PTPRS: variants seen among roughly 807,000 people sequenced by gnomAD.
PTPRS encodes the protein protein tyrosine phosphatase receptor type S, also known as receptor-type tyrosine-protein phosphatase S.
Under a neutral mutation model 215.3 loss-of-function variants are expected in PTPRS, and 63 were observed. The observed-to-expected ratio is 0.29, with a 90% confidence interval of 0.24 to 0.36. The LOEUF (loss-of-function observed/expected upper bound fraction) is 0.36. Ranked by LOEUF, PTPRS falls within the 10% of genes least tolerant of loss-of-function variation. The pLI is 1.00. For missense variants in PTPRS, 2,258 were observed against 2,825.8 expected (o/e 0.80, Z 4.56); for synonymous variants, 1,404 against 1,191.4 (o/e 1.18, Z -3.68).
At chr19:5,235,715 G>A (rs1386434434) in intron 13 of PTPRS, among the ~76,000 whole-genome samples, 1 of 152,170 alleles carries the variant, frequency 6.6e-6, no homozygotes, top group South Asian at 2.1e-4. Flanking sequence ...TAGGTGCCCA[G>A]CACTGTGCCA....
intron 9 of PTPRS, among the ~76,000 whole-genome samples, chr19:5,247,129 G>C (rs1273946282): frequency 4.6e-5 from 7 of 151,822 alleles, no homozygotes; most frequent in Admixed American, 1.3e-4. Flanking sequence ...AATTCTAGCA[G>C]ATGTGATCCA....
At chr19:5,239,851 TAAACAGACAG>T (rs1408687230) in intron 12 of PTPRS, among the ~76,000 whole-genome samples, 4 of 148,574 alleles carry the variant, frequency 2.7e-5, no homozygotes, top group African/African-American at 1.0e-4. Context: ...GACAGAGACA[TAAACAGACAG>T]AAACAGACCC....
chr19:5,333,503 T>TCA (rs35443727), intron 1 of PTPRS, among the ~76,000 whole-genome samples: 56,724 of 147,580 alleles, frequency 0.38, 11,537 homozygotes, highest in African/African-American at 0.51. Flanking sequence ...GTGAGTCCTG[T>TCA]CACACACACA....
At chr19:5,261,089 G>T (rs1474924453) in intron 6 of PTPRS, among the ~76,000 whole-genome samples, 1 of 152,136 alleles carries the variant, frequency 6.6e-6, no homozygotes, top group African/African-American at 2.4e-5. Context: ...TGGAGGGATG[G>T]AGTCTAGAAG....
intron 1 of PTPRS, among the ~76,000 whole-genome samples, chr19:5,296,877 C>T (rs2049151764): frequency 1.3e-5 from 2 of 152,102 alleles, no homozygotes; most frequent in South Asian, 2.1e-4. Context: ...TGCTCAGCTG[C>T]TGTGGGGAGG....
chr19:5,218,585 G>T, intron 24 of PTPRS, 53 bp from the exon 25 acceptor site: 1 of 1,572,256 alleles, frequency 6.4e-7, no homozygotes, highest in Non-Finnish European at 8.8e-7. Context: ...ATGTTCATGT[G>T]TGAACACAAT....
intron 26 of PTPRS, among the ~76,000 whole-genome samples, chr19:5,216,160 C>A (rs979622974): frequency 6.6e-6 from 1 of 152,130 alleles, no homozygotes; most frequent in Non-Finnish European, 1.5e-5. Flanking sequence ...GGGTCCCCAT[C>A]TGTCCCTGCG....
intron 1 of PTPRS, among the ~76,000 whole-genome samples, chr19:5,320,045 C>G (rs2049983182): frequency 6.6e-6 from 1 of 152,200 alleles, no homozygotes; most frequent in African/African-American, 2.4e-5. Context: ...AGAAATCCCC[C>G]CAGATGATGG....
Position 5,216,891 on chromosome 19 carries a change from G to A in PTPRS, c.4049-124C>T, listed in dbSNP as rs1312479675. 2.0e-5 allele frequency: 13 copies of A among 654,230 alleles called. No individual in the cohort carries two copies. In the South Asian group the frequency reaches 2.3e-4, roughly 12 times the overall value. The allele number at this position is 654,230 out of a possible 1,614,324, so 40.5% of individuals were successfully genotyped here. On this transcript the variant is annotated intron_variant, in intron 25 of 37. Coordinates refer to ENST00000262963, the MANE Select transcript of PTPRS (RefSeq NM_002850.4). ...GGCAGAGCAACGCGGACAACGGGGG[G>A]TATGTACAGCCACCTGGGCCCCCAC...
chr19:5,316,171 G>A (rs1275695395), intron 1 of PTPRS, among the ~76,000 whole-genome samples: 5 of 152,252 alleles, frequency 3.3e-5, no homozygotes, highest in East Asian at 3.9e-4. Context: ...CTCCAGCCTC[G>A]GCCTCCCAAA....
intron 1 of PTPRS, among the ~76,000 whole-genome samples, chr19:5,302,901 CA>C (rs61244607): frequency 0.28 from 31,138 of 112,498 alleles, 4,212 homozygotes; most frequent in African/African-American, 0.43. Flanking sequence ...ACTAAAAATA[CA>C]AAAAAAAAAA....
rs534244906 is a variant in PTPRS, at chr19:5,338,727, G to A, written c.-95+1937C>T. On this transcript the variant is annotated intron_variant, in intron 1 of 37. Coordinates refer to ENST00000262963, the MANE Select transcript of PTPRS (RefSeq NM_002850.4). This position sits in a 1 kb window ranked among gnomAD's most constrained non-coding sequence, Gnocchi z 4.2. ...AAAGGAAGGGACCCTGGGAGGGGGA[G>A]GGGACTTATGCAAATGGCAGATTCG... Among the ~76,000 whole-genome samples the A allele has an allele frequency of 3.6e-3, 553 of 152,240 alleles. 3 individuals carry two copies. The highest frequency in any genetic ancestry group is 5.7e-3 in the Non-Finnish European group (387 of 68,010).
intron 2 of PTPRS, among the ~76,000 whole-genome samples, chr19:5,277,150 C>G (rs1466476437): frequency 6.6e-6 from 1 of 151,470 alleles, no homozygotes; most frequent in East Asian, 2.0e-4. Context: ...AGCTCTGCCT[C>G]CTGGGTTCAT....
Position 5,212,505 on chromosome 19 carries a change from G to A in PTPRS, c.4615-14C>T. 1 of 1,575,622 alleles carries A rather than the reference G, an allele frequency of 6.3e-7. No individual in the cohort carries two copies. The highest frequency in any genetic ancestry group is 1.2e-5 in the South Asian group (1 of 86,844). Reference sequence around the variant, plus strand: ...ACTGGAGCCATTCTGGGGACCACAAGGATGTCACCTGTCACTCCGGCTCAA... The same window carrying A: ...ACTGGAGCCATTCTGGGGACCACAAAGATGTCACCTGTCACTCCGGCTCAA... On this transcript the variant is annotated splice_polypyrimidine_tract_variant and intron_variant, in intron 30 of 37. Coordinates refer to ENST00000262963, the MANE Select transcript of PTPRS (RefSeq NM_002850.4).
chr19:5,245,505 C>T (rs1275165658), intron 10 of PTPRS, among the ~76,000 whole-genome samples: 1 of 152,038 alleles, frequency 6.6e-6, no homozygotes, highest in African/African-American at 2.4e-5. Flanking sequence ...GTTGCCCAGG[C>T]TGGTCTCAAA....
At chr19:5,274,155 G>T in intron 3 of PTPRS, 44 bp downstream of exon 3, 1 of 1,581,710 alleles carries the variant, frequency 6.3e-7, no homozygotes. Flanking sequence ...GCCCTGCCTT[G>T]GGGGAGCATT....
chr19:5,306,984 A>G (rs979819347), intron 1 of PTPRS, among the ~76,000 whole-genome samples: 3 of 152,172 alleles, frequency 2.0e-5, no homozygotes, highest in African/African-American at 7.2e-5. Context: ...CTGAATGTCT[A>G]TCGATAGGAG....
rs1171141387 is a variant in PTPRS, at chr19:5,237,392, CCT to C, written c.1849+1525_1849+1526del. ...GCGGGGAGTCCCTTCTCCCCAACTC[CCT>C]GTCCTGGGCCGCCCCGGAGGTTCGC... On this transcript the variant is annotated intron_variant, in intron 13 of 37. Transcript: ENST00000262963. The surrounding 1 kb of genome is among the most constrained non-coding windows in gnomAD (Gnocchi z 4.2). Among the ~76,000 whole-genome samples, 1 of 152,236 alleles carries C rather than the reference CCT, an allele frequency of 6.6e-6. No homozygotes were observed. Among genetic ancestry groups the C allele is most frequent in the African/African-American group, 2.4e-5 (1 of 41,472 alleles).
At position 5,294,016 on chromosome 19, in the gene PTPRS, G is replaced by A. The variant is rs73919800; in HGVS notation, c.-94-7782C>T. 0.12 allele frequency among the ~76,000 whole-genome samples: 18,549 copies of A among 152,180 alleles called. 1,845 individuals are homozygous for A. Among genetic ancestry groups the A allele is most frequent in the African/African-American group, 0.28 (11,563 of 41,482 alleles). On this transcript the variant is annotated intron_variant, in intron 1 of 37. Transcript: ENST00000262963. The surrounding 1 kb of genome is among the most constrained non-coding windows in gnomAD (Gnocchi z 5.1). ...GGGGTGCGGGTTTGAAAACTCCACC[G>A]GAGGGGCCCGGAATGTAGAAGCCCA...
Sources: allele counts gnomAD v4.1 joint callset (sites outside exome capture counted in the v4.1 genomes callset), GRCh38; gene constraint gnomAD v4.1.1; non-coding constraint Gnocchi (gnomAD v3.1); transcripts MANE v1.5; gene names NCBI Gene and HGNC (gene_info 2026-07-23, HGNC 2026-07-21).